Variants in HOMER2 observed in about 807,000 individuals in gnomAD.
HOMER2 encodes homer protein homolog 2.
In HOMER2, 27 loss-of-function variants were observed where a neutral mutation model predicts 47.0. That is an observed-to-expected ratio of 0.57 (90% CI 0.42 to 0.79). The LOEUF (loss-of-function observed/expected upper bound fraction) is 0.79, where lower values mean the gene tolerates loss of function less well. Among genes scored for constraint, HOMER2 ranks in the 30% least tolerant of loss-of-function variants. The probability of loss-of-function intolerance (pLI) is 0.00; values close to 1 mark genes in which losing one functional copy is unlikely to be tolerated. For missense variants in HOMER2, 443 were observed against 435.0 expected, an observed-to-expected ratio of 1.02 and a Z score of -0.16; for synonymous variants, 161 against 163.8, an observed-to-expected ratio of 0.98 and a Z score of 0.13.
intron 1 of HOMER2, among the ~76,000 whole-genome samples, chr15:82,894,609 T>C (rs1444574961): frequency 6.8e-6 from 1 of 146,860 alleles, no homozygotes; most frequent in Non-Finnish European, 1.5e-5. Flanking sequence ...AGGCAGAGCT[T>C]GCAGTGAGCT....
chr15:82,869,727 C>T (rs1322382690), intron 3 of HOMER2, among the ~76,000 whole-genome samples: 1 of 152,016 alleles, frequency 6.6e-6, no homozygotes, highest in Non-Finnish European at 1.5e-5. Context: ...CAAAATGCTC[C>T]GATTACAGGC....
intron 2 of HOMER2, among the ~76,000 whole-genome samples, chr15:82,892,433 G>A (rs1181635923): frequency 1.3e-5 from 2 of 152,130 alleles, no homozygotes; most frequent in Admixed American, 6.5e-5. Context: ...ATCCAACCAC[G>A]GGGGGAAATT....
At chr15:82,875,914 G>A (rs773677512) in intron 2 of HOMER2, among the ~76,000 whole-genome samples, 1 of 152,200 alleles carries the variant, frequency 6.6e-6, no homozygotes, top group East Asian at 1.9e-4. Flanking sequence ...AATTTGTGGA[G>A]GGTTAATTGA....
chr15:82,946,690 T>C (rs573477709), intron 1 of HOMER2, among the ~76,000 whole-genome samples: 1 of 152,324 alleles, frequency 6.6e-6, no homozygotes, highest in Non-Finnish European at 1.5e-5. Context: ...AAACTGTGTA[T>C]TTTATTAAAA....
chr15:82,850,345 C>G (rs1417783993), intron 8 of HOMER2, among the ~76,000 whole-genome samples: 2 of 152,238 alleles, frequency 1.3e-5, no homozygotes, highest in Non-Finnish European at 2.9e-5. Flanking sequence ...GTGGCCTCCT[C>G]AGCCCCAGGC....
At chr15:82,854,514 G>A (rs1351770220) in intron 6 of HOMER2, 130 bp downstream of exon 6, 1 of 869,076 alleles carries the variant, frequency 1.2e-6, no homozygotes, top group Admixed American at 2.6e-5. Flanking sequence ...CCATGGGAGA[G>A]GCAGCAAGTC....
chr15:82,921,946 T>A (rs1310124798), intron 1 of HOMER2, among the ~76,000 whole-genome samples: 1 of 152,266 alleles, frequency 6.6e-6, no homozygotes, highest in Non-Finnish European at 1.5e-5. Context: ...ATCATTTTAA[T>A]GGGTTCTGGG....
intron 6 of HOMER2, chr15:82,852,466 T>TTA (rs1389672139): frequency 2.1e-6 from 1 of 471,842 alleles, no homozygotes; most frequent in East Asian, 3.5e-5. Context: ...ACATGATGCC[T>TTA]TACCAGAGGC....
In HOMER2 at chr15:82,859,033, G is replaced by T. The variant is rs1314314446; in HGVS notation, c.490C>A (p.Gln164Lys). 1.9e-6 allele frequency: 3 copies of T among 1,613,838 alleles called. No individual in the cohort carries two copies. Among genetic ancestry groups the T allele is most frequent in the African/African-American group, 2.7e-5 (2 of 75,040 alleles). ...TGGACTTTAAAACAGCCTTACCTCT[G>T]CGTCAAGGCAATCTTCAGCTTGTCA... ...ENDKLKIALT[Q>K]SAANVKKWEI... The change falls in exon 5 of 9, where the codon CAG (glutamine) becomes AAG (lysine). Residue 164 changes from glutamine (Q) to lysine (K), a missense_variant. Physicochemically the swap from Gln to Lys is moderately conservative, Grantham distance 53. Coordinates refer to ENST00000450735, the MANE Select transcript of HOMER2 (RefSeq NM_004839.4).
At chr15:82,947,914 A>C (rs959444220) in intron 1 of HOMER2, among the ~76,000 whole-genome samples, 3 of 152,234 alleles carry the variant, frequency 2.0e-5, no homozygotes, top group South Asian at 2.1e-4. Flanking sequence ...AAGACGGATT[A>C]TAAATAAGTA....
chr15:82,971,950 C>T (rs548644651), intron 1 of HOMER2, among the ~76,000 whole-genome samples: 3 of 152,324 alleles, frequency 2.0e-5, no homozygotes, highest in Admixed American at 2.0e-4. Context: ...CTCTTCTATT[C>T]TCTGTGCCAT....
At chr15:82,935,103 C>A (rs1219394997) in intron 1 of HOMER2, among the ~76,000 whole-genome samples, 1 of 152,204 alleles carries the variant, frequency 6.6e-6, no homozygotes, top group East Asian at 1.9e-4. Flanking sequence ...TGGCAGCGCT[C>A]CCCTCACACC....
chr15:82,851,500 G>GGA (rs1781177730), intron 7 of HOMER2, among the ~76,000 whole-genome samples: 1 of 152,186 alleles, frequency 6.6e-6, no homozygotes, highest in Non-Finnish European at 1.5e-5. Flanking sequence ...TGAGGCCTAG[G>GGA]GAGTTTGGTA....
chr15:82,926,369 T>C (rs909563155), intron 1 of HOMER2: 1 of 152,202 alleles, frequency 6.6e-6, no homozygotes, highest in Admixed American at 6.5e-5. Context: ...CTTTAGTTTG[T>C]CTGTCCCCTC....
intron 1 of HOMER2, among the ~76,000 whole-genome samples, chr15:82,931,301 C>A (rs923882674): frequency 6.6e-6 from 1 of 152,220 alleles, no homozygotes; most frequent in Non-Finnish European, 1.5e-5. Context: ...CACAGTGTGA[C>A]CAGCCTGGGC....
In HOMER2 at chr15:82,849,539, A is replaced by T. The variant is rs1257591624; in HGVS notation, c.*176T>A. ...TGTCCACAACCTCACAAGGCCAGAG[A>T]AGCGAGAGGAGATTTCTATTCTGAA... On this transcript the variant is annotated 3_prime_UTR_variant, in exon 9 of 9. Coordinates refer to ENST00000450735, the MANE Select transcript of HOMER2 (RefSeq NM_004839.4). 1.7e-6 allele frequency: 1 copy of T among 599,890 alleles called. No individual in the cohort carries two copies. Among genetic ancestry groups the T allele is most frequent in the Non-Finnish European group, 2.9e-6 (1 of 342,660 alleles). The allele number at this position is 599,890 out of a possible 1,614,324, so 37.2% of individuals were successfully genotyped here.
At chr15:82,850,660 A>C (rs142018614) in intron 8 of HOMER2, among the ~76,000 whole-genome samples, 316 of 152,346 alleles carry the variant, frequency 2.1e-3, no homozygotes, top group African/African-American at 7.4e-3. Flanking sequence ...ATGTAACTAC[A>C]TGAAGCGCCG....
intron 1 of HOMER2, among the ~76,000 whole-genome samples, chr15:82,949,093 G>T (rs930895956): frequency 4.2e-5 from 6 of 142,552 alleles, no homozygotes; most frequent in African/African-American, 1.6e-4. Flanking sequence ...ATGACTCTTG[G>T]CAAATGAGTG....
At chr15:82,977,353 C>T (rs8028887) in intron 1 of HOMER2, among the ~76,000 whole-genome samples, 5,219 of 152,192 alleles carry the variant, frequency 0.034, 271 homozygotes, top group African/African-American at 0.12. Context: ...CTTGGATATA[C>T]AGTTTTGTTA....
Sources: allele counts gnomAD v4.1 joint callset (sites outside exome capture counted in the v4.1 genomes callset), GRCh38; gene constraint gnomAD v4.1.1; transcripts MANE v1.5; gene names NCBI Gene and HGNC (gene_info 2026-07-23, HGNC 2026-07-21).